The following SART3 variants were observed in gnomAD, a reference collection of about 807,000 sequenced individuals.
SART3 encodes the protein spliceosome associated factor 3, U4/U6 recycling protein.
In SART3, 44 loss-of-function variants were observed where a neutral mutation model predicts 122.3. The ratio of observed to expected loss-of-function variants is 0.36; its 90% CI spans 0.28 to 0.46. The LOEUF is 0.46. SART3 is among the 20% of genes least tolerant of loss of function. The pLI is 1.00. For synonymous variants in SART3, 442 were observed against 454.0 expected, an observed-to-expected ratio of 0.97 and a Z score of 0.34; for missense variants, 1,101 against 1,229.0, an observed-to-expected ratio of 0.90 and a Z score of 1.56.
At chr12:108,549,008 G>T in intron 2 of SART3, 80 bp downstream of exon 2, 1 of 1,591,002 alleles carries the variant, frequency 6.3e-7, no homozygotes. Flanking sequence ...TCTACAAGGA[G>T]CATGTCCCAC....
rs565830255 is a variant in SART3, at chr12:108,525,771, T to G, written c.2371-162A>C. 16 of 735,400 alleles carry G rather than the reference T, an allele frequency of 2.2e-5. No homozygotes were observed. The African/African-American group carries it at 2.2e-4, about 10-fold the overall frequency. The allele number at this position is 735,400 out of a possible 1,614,324, so 45.6% of individuals were successfully genotyped here. On this transcript the variant is annotated intron_variant, in intron 16 of 18. Transcript: ENST00000546815. Reference sequence around the variant, plus strand: ...TAATGGGGCCACCGGAGCGAGTCACTTAACCTCTCCAGGCCTCCATGTCTT... The same window carrying G: ...TAATGGGGCCACCGGAGCGAGTCACGTAACCTCTCCAGGCCTCCATGTCTT...
At chr12:108,539,144 T>A in intron 6 of SART3, 55 bp from the exon 7 acceptor site, 1 of 1,595,136 alleles carries the variant, frequency 6.3e-7, no homozygotes, top group Non-Finnish European at 8.6e-7. Flanking sequence ...GCACAACACA[T>A]CTGCAAATAA....
chr12:108,538,010 CTG>C, intron 8 of SART3, 53 bp downstream of exon 8: 1 of 1,611,214 alleles, frequency 6.2e-7, no homozygotes, highest in Non-Finnish European at 8.5e-7. Context: ...TCACCGCTCT[CTG>C]TTTTTCACTT....
chr12:108,529,869 A>G (rs1024938061), intron 15 of SART3, among the ~76,000 whole-genome samples: 19 of 152,120 alleles, frequency 1.2e-4, no homozygotes, highest in Admixed American at 7.2e-4. Flanking sequence ...ACAACTAAAC[A>G]CAATAGTGCA....
chr12:108,526,081 T>A lies in SART3; in HGVS notation c.2370+18A>T, dbSNP rs750252121. The A allele has an allele frequency of 5.1e-5, 82 of 1,607,402 alleles. No individual in the cohort carries two copies. The Middle Eastern group carries it at 6.6e-4, about 13-fold the overall frequency. On this transcript the variant is annotated intron_variant, in intron 16 of 18. Transcript: ENST00000546815. The stretch of plus-strand genomic sequence containing the variant: ...AGCAACCACAGATGAAAGGCATTCT[T>A]TTTTTCCATAAACCTACCTTAAAAT...
intron 14 of SART3, 75 bp downstream of exon 14, chr12:108,531,129 T>G: frequency 4.5e-6 from 5 of 1,120,970 alleles, no homozygotes; most frequent in Non-Finnish European, 6.8e-6. Flanking sequence ...TAAAACATCT[T>G]GACAAGAAAC....
rs768252098 is a variant in SART3 at position 108,539,125 on chromosome 12, T to G, written c.907-36A>C. Reference sequence around the variant, plus strand: ...GGAAAATTGTATTGAATTTAGTTACTGGCAGGAAGCACAACACATCTGCAA... The same window carrying G: ...GGAAAATTGTATTGAATTTAGTTACGGGCAGGAAGCACAACACATCTGCAA... On this transcript the variant is annotated intron_variant, in intron 6 of 18. Coordinates refer to ENST00000546815, the MANE Select transcript of SART3 (RefSeq NM_014706.4). 3.7e-6 allele frequency: 6 copies of G among 1,612,852 alleles called. No individual in the cohort carries two copies. The South Asian group carries it at 6.6e-5, about 18-fold the overall frequency.
chr12:108,545,040 A>G, intron 4 of SART3, 99 bp downstream of exon 4: 1 of 1,214,076 alleles, frequency 8.2e-7, no homozygotes, highest in Non-Finnish European at 1.2e-6. Flanking sequence ...AACTATATGA[A>G]CTGCAAGATT....
At position 108,522,305 on chromosome 12, in the gene SART3, G is replaced by A. The variant is rs1007726942; in HGVS notation, c.*1152C>T. Among the ~76,000 whole-genome samples, 2 of 152,132 alleles carry A rather than the reference G, an allele frequency of 1.3e-5. No individual in the cohort carries two copies. Among genetic ancestry groups the A allele is most frequent in the Admixed American group, 6.5e-5 (1 of 15,270 alleles). Reference sequence around the variant, plus strand: ...TAAGTTAAAAAAATATAGAAAACCCGACTGATGCACAAAAACTTAAACTTA... The same window carrying A: ...TAAGTTAAAAAAATATAGAAAACCCAACTGATGCACAAAAACTTAAACTTA... On this transcript the variant is annotated 3_prime_UTR_variant, in exon 19 of 19. Transcript: ENST00000546815.
Position 108,523,264 on chromosome 12 carries a change from G to T in SART3, c.*193C>A. On this transcript the variant is annotated 3_prime_UTR_variant, in exon 19 of 19. Coordinates refer to ENST00000546815, the MANE Select transcript of SART3 (RefSeq NM_014706.4). ...GCAGAGTGGTCACTTTTCTGCCACT[G>T]CCCTCAATATGAGGGAGCACTGAAA... 1.6e-6 allele frequency: 1 copy of T among 639,618 alleles called. No individual in the cohort carries two copies. 39.6% of individuals were successfully genotyped at this position (639,618 alleles called of 1,614,324 possible).
At chr12:108,544,577 TTTTTC>T in intron 4 of SART3, 99 bp from the exon 5 acceptor site, 4 of 1,564,606 alleles carry the variant, frequency 2.6e-6, no homozygotes, top group Non-Finnish European at 3.5e-6. Flanking sequence ...TGGTTCTTTC[TTTTTC>T]TTTTGAGAAG....
Position 108,523,548 on chromosome 12 carries a change from G to A in SART3, c.2801C>T (p.Pro934Leu), listed in dbSNP as rs1245132783. 8.1e-6 allele frequency: 13 copies of A among 1,613,932 alleles called. No individual in the cohort carries two copies. Among genetic ancestry groups the A allele is most frequent in the African/African-American group, 1.3e-5 (1 of 74,924 alleles). The change falls in exon 19 of 19, where the codon CCT becomes CTT. Residue 934 changes from proline (P) to leucine (L), a missense_variant. Physicochemically the swap from Pro to Leu is moderately conservative, Grantham distance 98 (BLOSUM62 -3). Transcript: ENST00000546815. ...GGCGGCAACTGCAGGAGCCGCGGCA[G>A]GGCCGTTCTCAGCCTGAGGAGCTGC... ...SAAAPQAENG[P>L]AAAPAVAAPA...
At chr12:108,537,618 A>C (rs1872974306) in intron 8 of SART3, 23 bp from the exon 9 acceptor site, 3 of 1,573,982 alleles carry the variant, frequency 1.9e-6, no homozygotes, top group Non-Finnish European at 2.6e-6. Flanking sequence ...AAAAGTCAGG[A>C]TTTGTTACCA....
At chr12:108,548,937 A>G in intron 2 of SART3, 151 bp downstream of exon 2, 1 of 1,196,052 alleles carries the variant, frequency 8.4e-7, no homozygotes, top group Non-Finnish European at 1.2e-6. Flanking sequence ...ACTACAATAA[A>G]CTAAAAATAG....
chr12:108,536,852 T>C, intron 9 of SART3, 67 bp from the exon 10 acceptor site: 1 of 1,466,700 alleles, frequency 6.8e-7, no homozygotes, highest in Non-Finnish European at 9.4e-7. Context: ...TTTTTTATCC[T>C]ATGCTGAAAC....
At position 108,539,072 on chromosome 12, in the gene SART3, T is replaced by G. The variant is rs1266751885; in HGVS notation, c.924A>C (p.Pro308=). The G allele has an allele frequency of 6.8e-6, 11 of 1,614,086 alleles. No individual in the cohort carries two copies. Among genetic ancestry groups the G allele is most frequent in the African/African-American group, 1.3e-5 (1 of 74,930 alleles). Residue 308 remains proline (P), a synonymous_variant, in exon 7 of 19, where the codon CCA becomes CCC. Transcript: ENST00000546815. ...YEEALLQAEA[P]RLAEYQAYID... ...TATATGCTTGATATTCTGCCAGCCT[T>G]GGTGCCTCTGCCTGCAACTGGAGTA...
intron 12 of SART3, 60 bp downstream of exon 12, chr12:108,535,299 A>C: frequency 7.5e-7 from 1 of 1,335,572 alleles, no homozygotes; most frequent in Non-Finnish European, 1.1e-6. Flanking sequence ...GTCAGCCAGG[A>C]GTGAAGACAG....
At position 108,530,506 on chromosome 12, in the gene SART3, T is replaced by C. The variant is rs368550692; in HGVS notation, c.1747-196A>G. On this transcript the variant is annotated intron_variant, in intron 14 of 18. Coordinates refer to ENST00000546815, the MANE Select transcript of SART3 (RefSeq NM_014706.4). The stretch of plus-strand genomic sequence containing the variant: ...GTTGGAATTCTGGATCTGATGTCTC[T>C]GTTACATTAGCAATTTCCTCACCCT... Among the ~76,000 whole-genome samples, 13 of 152,244 alleles carry C rather than the reference T, an allele frequency of 8.5e-5. No individual in the cohort carries two copies. In the South Asian group the frequency reaches 1.5e-3, roughly 17 times the overall value.
intron 12 of SART3, among the ~76,000 whole-genome samples, chr12:108,533,962 CCTTT>C (rs1490872078): frequency 6.6e-6 from 1 of 152,118 alleles, no homozygotes; most frequent in Non-Finnish European, 1.5e-5. Context: ...TTCTAAAATA[CCTTT>C]CTTTCCTAAC....
Sources: allele counts gnomAD v4.1 joint callset (sites outside exome capture counted in the v4.1 genomes callset), GRCh38; gene constraint gnomAD v4.1.1; transcripts MANE v1.5; gene names NCBI Gene and HGNC (gene_info 2026-07-23, HGNC 2026-07-21).